The following EYA4 variants were observed in gnomAD, a reference collection of about 807,000 sequenced individuals.
The protein encoded by EYA4 is EYA transcriptional coactivator and phosphatase 4.
A neutral mutation model predicts 87.9 loss-of-function variants in EYA4; 31 were observed. The observed-to-expected ratio is 0.35, with a 90% CI of 0.27 to 0.48. The LOEUF is 0.48. Ranked by LOEUF, EYA4 falls within the 20% of genes least tolerant of loss-of-function variation. The pLI, the probability that EYA4 is intolerant of heterozygous loss-of-function variation, is 0.99. For synonymous variants in EYA4, 263 were observed against 270.6 expected, an observed-to-expected ratio of 0.97 and a Z score of 0.28; for missense variants, 678 against 761.4, an observed-to-expected ratio of 0.89 and a Z score of 1.29.
chr6:133,427,299 C>A (rs1191662864), intron 3 of EYA4, among the ~76,000 whole-genome samples: 1 of 152,130 alleles, frequency 6.6e-6, no homozygotes, highest in Non-Finnish European at 1.5e-5. Flanking sequence ...ATTTTAGAAC[C>A]ACTTCTGAAC....
intron 2 of EYA4, among the ~76,000 whole-genome samples, chr6:133,309,929 G>T (rs1410276834): frequency 6.6e-6 from 1 of 152,138 alleles, no homozygotes; most frequent in Non-Finnish European, 1.5e-5. Context: ...AGAAAAGAAA[G>T]ATATTTGGGA....
At chr6:133,466,120 C>T (rs768990415) in intron 10 of EYA4, among the ~76,000 whole-genome samples, 42 of 151,568 alleles carry the variant, frequency 2.8e-4, no homozygotes, top group Admixed American at 4.6e-4. Context: ...TTCAGTCCTC[C>T]GAAAGAAACA....
intron 2 of EYA4, among the ~76,000 whole-genome samples, chr6:133,326,725 G>A (rs1214706043): frequency 1.3e-5 from 2 of 152,232 alleles, no homozygotes; most frequent in African/African-American, 4.8e-5. Context: ...GTTCCCCAGA[G>A]TCCTGGATTC....
upstream of EYA4, among the ~76,000 whole-genome samples, chr6:133,241,000 C>T (rs1773896676): frequency 6.6e-6 from 1 of 151,770 alleles, no homozygotes; most frequent in Admixed American, 6.5e-5. Context: ...GGTCCCTCCC[C>T]TCAGCCTGGA....
rs181483216 is a variant in EYA4 at position 133,463,564 on chromosome 6, T to C, written c.724+800T>C. Among the ~76,000 whole-genome samples, 377 of 152,198 alleles carry C rather than the reference T, an allele frequency of 2.5e-3. 6 individuals carry two copies. The highest frequency in any genetic ancestry group is 1.7e-3 in the East Asian group (9 of 5,162). On this transcript the variant is annotated intron_variant, in intron 9 of 19. Transcript: ENST00000355286. ...TTAGTAGTGACGGGGTTTCACCATG[T>C]TGATCAGGCTGGTCTCAAACTCCTG...
chr6:133,299,397 G>A (rs1045167999), intron 2 of EYA4, among the ~76,000 whole-genome samples: 5 of 151,986 alleles, frequency 3.3e-5, no homozygotes, highest in African/African-American at 1.2e-4. Flanking sequence ...CCCAACCTCA[G>A]AGCAGTATTT....
intron 1 of EYA4, among the ~76,000 whole-genome samples, chr6:133,258,651 C>T (rs563638167): frequency 2.0e-5 from 3 of 152,156 alleles, no homozygotes; most frequent in East Asian, 1.9e-4. Context: ...TCTTTTCTTG[C>T]AGCCCCAAGA....
chr6:133,495,479 G>T lies in EYA4; in HGVS notation c.1192-10627G>T, dbSNP rs193235744. ...TCATTTATTTATAAATAAATATAAAGAAATATAGAAGAGAGAGGTAGGCAA... is the reference window on the plus strand; with the variant it reads ...TCATTTATTTATAAATAAATATAAATAAATATAGAAGAGAGAGGTAGGCAA... On this transcript the variant is annotated intron_variant, in intron 13 of 19. Transcript: ENST00000355286. Among the ~76,000 whole-genome samples, 302 of 41,908 alleles carry T rather than the reference G, an allele frequency of 7.2e-3. 11 individuals are homozygous for T. The highest frequency in any genetic ancestry group is 0.014 in the South Asian group (32 of 2,356). The allele number at this position is 41,908 out of a possible 152,430, so 27.5% of individuals were successfully genotyped here. A position where few individuals can be genotyped will look rare whatever the true frequency, so the allele number is the denominator to read the frequency against.
chr6:133,252,090 A>C (rs371952123), intron 1 of EYA4, among the ~76,000 whole-genome samples: 4 of 152,314 alleles, frequency 2.6e-5, no homozygotes, highest in Admixed American at 1.3e-4. Context: ...GTAAATATTT[A>C]TTTGAATCAT....
At chr6:133,343,771 A>G (rs1319498658) in intron 2 of EYA4, among the ~76,000 whole-genome samples, 1 of 152,076 alleles carries the variant, frequency 6.6e-6, no homozygotes, top group Non-Finnish European at 1.5e-5. Flanking sequence ...AGAGTGAGAT[A>G]TGGGTTAAAG....
intron 2 of EYA4, among the ~76,000 whole-genome samples, chr6:133,358,354 C>T (rs955410775): frequency 6.6e-6 from 1 of 152,008 alleles, no homozygotes; most frequent in African/African-American, 2.4e-5. Context: ...AATTATTTTC[C>T]TCAGTGAAAG....
rs141275266 is a variant in EYA4 at position 133,346,438 on chromosome 6, G to A, written c.34-35954G>A. On this transcript the variant is annotated intron_variant, in intron 2 of 19. Coordinates refer to ENST00000355286, the MANE Select transcript of EYA4 (RefSeq NM_004100.5). ...TCTTAAGCATGTTCTGCAATGTCCAGATAGAATTAATACCAATCCAAATTC... is the reference window on the plus strand; with the variant it reads ...TCTTAAGCATGTTCTGCAATGTCCAAATAGAATTAATACCAATCCAAATTC... Among the ~76,000 whole-genome samples, 107 of 152,214 alleles carry A rather than the reference G, an allele frequency of 7.0e-4. 1 individual carries two copies. The highest frequency in any genetic ancestry group is 2.4e-3 in the African/African-American group (100 of 41,542).
intron 2 of EYA4, among the ~76,000 whole-genome samples, chr6:133,287,754 G>A (rs1778179373): frequency 6.6e-6 from 1 of 152,208 alleles, no homozygotes; most frequent in Admixed American, 6.5e-5. Flanking sequence ...TAACCAGATG[G>A]TAGGGAGATT....
chr6:133,369,431 G>A (rs1013024024), intron 2 of EYA4, among the ~76,000 whole-genome samples: 13 of 151,934 alleles, frequency 8.6e-5, no homozygotes, highest in Non-Finnish European at 1.8e-4. Context: ...ATCTGTGTGA[G>A]CATTTATAAT....
intron 2 of EYA4, among the ~76,000 whole-genome samples, chr6:133,313,476 A>G (rs891026183): frequency 2.2e-4 from 33 of 152,124 alleles, no homozygotes; most frequent in African/African-American, 7.7e-4. Flanking sequence ...TCTCTTTTTA[A>G]TTTTATCTCC....
intron 2 of EYA4, among the ~76,000 whole-genome samples, chr6:133,323,509 C>T (rs372116781): frequency 2.0e-5 from 3 of 152,030 alleles, no homozygotes; most frequent in Non-Finnish European, 4.4e-5. Context: ...TTAATCAGAT[C>T]GATTGTCAAA....
At chr6:133,506,305 G>T in intron 14 of EYA4, 110 bp downstream of exon 14, 1 of 671,030 alleles carries the variant, frequency 1.5e-6, no homozygotes, top group East Asian at 2.7e-5. Flanking sequence ...TTCAGCTCAA[G>T]AGAAGCATAA....
chr6:133,431,610 A>G (rs927320598), intron 3 of EYA4, among the ~76,000 whole-genome samples: 2 of 152,200 alleles, frequency 1.3e-5, no homozygotes, highest in Admixed American at 6.5e-5. Flanking sequence ...AGCCAGTGCA[A>G]TATGAAGTGC....
intron 1 of EYA4, among the ~76,000 whole-genome samples, chr6:133,250,655 T>A (rs1158201519): frequency 6.6e-6 from 1 of 151,596 alleles, no homozygotes; most frequent in Non-Finnish European, 1.5e-5. Flanking sequence ...AATAAATAAA[T>A]AAATAAAAAG....
Sources: allele counts gnomAD v4.1 joint callset (sites outside exome capture counted in the v4.1 genomes callset), GRCh38; gene constraint gnomAD v4.1.1; transcripts MANE v1.5; gene names NCBI Gene and HGNC (gene_info 2026-07-23, HGNC 2026-07-21).